AXDND1: variants seen among roughly 807,000 people sequenced by gnomAD.
AXDND1 encodes the protein axonemal dynein light chain domain-containing protein 1.
A neutral mutation model predicts 137.5 loss-of-function variants in AXDND1; 110 were observed. The ratio of observed to expected loss-of-function variants is 0.80; its 90% CI spans 0.69 to 0.94. The LOEUF (loss-of-function observed/expected upper bound fraction) is 0.94, where lower values mean the gene tolerates loss of function less well. Among genes scored for constraint, AXDND1 ranks in the 40% least tolerant of loss-of-function variants. AXDND1 has a pLI of 0.00. For missense variants in AXDND1, 1,191 were observed against 1,169.8 expected, an observed-to-expected ratio of 1.02 and a Z score of -0.26; for synonymous variants, 414 against 399.7, an observed-to-expected ratio of 1.04 and a Z score of -0.43.
chr1:179,515,398 G>C (rs896785556), intron 21 of AXDND1, among the ~76,000 whole-genome samples: 1 of 152,104 alleles, frequency 6.6e-6, no homozygotes, highest in Non-Finnish European at 1.5e-5. Context: ...TGAAGATAGG[G>C]CCCCAATCCC....
intron 4 of AXDND1, among the ~76,000 whole-genome samples, chr1:179,376,316 C>T (rs896393889): frequency 6.6e-6 from 1 of 152,174 alleles, no homozygotes; most frequent in Non-Finnish European, 1.5e-5. Flanking sequence ...TTTCTGCAGT[C>T]AGCCGTACAT....
In AXDND1 at chr1:179,388,392, T is replaced by C. The variant is rs530515052; in HGVS notation, c.863+3033T>C. ...CATGTCTGTACTGCATTCTGTCTTC[T>C]GTTTCTGGAGCTTTGATTAGATATA... is the stretch of plus-strand genomic sequence containing the variant. On this transcript the variant is annotated intron_variant, in intron 9 of 25. Coordinates refer to ENST00000367618, the MANE Select transcript of AXDND1 (RefSeq NM_144696.6). Among the ~76,000 whole-genome samples, 6 of 152,354 alleles carry C rather than the reference T, an allele frequency of 3.9e-5. No homozygotes were observed. The South Asian group carries it at 1.2e-3, about 32-fold the overall frequency.
chr1:179,380,167 T>G (rs1571556101), intron 6 of AXDND1, among the ~76,000 whole-genome samples: 1 of 151,638 alleles, frequency 6.6e-6, no homozygotes, highest in Non-Finnish European at 1.5e-5. Flanking sequence ...GAGAATGGCA[T>G]GAACCCAGGA....
chr1:179,443,748 G>T (rs1659323479), intron 15 of AXDND1, among the ~76,000 whole-genome samples: 1 of 152,004 alleles, frequency 6.6e-6, no homozygotes, highest in Non-Finnish European at 1.5e-5. Context: ...TCTTTTCAAG[G>T]TTCAATAATA....
At chr1:179,418,780 T>C (rs1370448814) in intron 12 of AXDND1, among the ~76,000 whole-genome samples, 3 of 144,648 alleles carry the variant, frequency 2.1e-5, no homozygotes, top group Non-Finnish European at 3.0e-5. Flanking sequence ...ACTTCCCAGA[T>C]GGGGTGGCTG....
chr1:179,491,526 A>AT lies in AXDND1; in HGVS notation c.2092-6dup. On this transcript the variant is annotated splice_polypyrimidine_tract_variant and intron_variant, in intron 18 of 25. Coordinates refer to ENST00000367618, the MANE Select transcript of AXDND1 (RefSeq NM_144696.6). ...AAAGTGGGTCATTTGTATTATACTC[A>AT]TTTTTTAACAGATGGATGAGTTACA... The AT allele has an allele frequency of 6.4e-7, 1 of 1,561,090 alleles. No individual in the cohort carries two copies. The highest frequency in any genetic ancestry group is 8.8e-7 in the Non-Finnish European group (1 of 1,139,428).
intron 15 of AXDND1, among the ~76,000 whole-genome samples, chr1:179,440,914 T>A (rs1166170535): frequency 6.6e-6 from 1 of 152,206 alleles, no homozygotes; most frequent in Non-Finnish European, 1.5e-5. Context: ...ATGACTGTAA[T>A]TAGCTCTGAG....
chr1:179,482,641 G>A (rs1276976599), intron 17 of AXDND1, among the ~76,000 whole-genome samples: 4 of 152,018 alleles, frequency 2.6e-5, no homozygotes, highest in South Asian at 2.1e-4. Context: ...AGATTTTCTC[G>A]AATAGATGTT....
intron 6 of AXDND1, among the ~76,000 whole-genome samples, chr1:179,382,093 T>G: frequency 1.3e-5 from 2 of 151,472 alleles, no homozygotes; most frequent in East Asian, 3.9e-4. Context: ...TTATTTTTTA[T>G]TTTTTTGAGA....
At chr1:179,532,902 A>G (rs201536817) in intron 23 of AXDND1, 1 of 28,588 alleles carries the variant, frequency 3.5e-5, no homozygotes, top group Admixed American at 3.9e-4. Context: ...GAAAAAGAAT[A>G]AATAAATAAA....
At chr1:179,450,868 G>A (rs1000952205) in intron 16 of AXDND1, 1 of 152,304 alleles carries the variant, frequency 6.6e-6, no homozygotes, top group African/African-American at 2.4e-5. Flanking sequence ...AGGCTGCAGT[G>A]AGGTATAGCC....
chr1:179,387,655 A>T (rs911036766), intron 9 of AXDND1, among the ~76,000 whole-genome samples: 2 of 152,206 alleles, frequency 1.3e-5, no homozygotes, highest in Admixed American at 6.5e-5. Context: ...TAAGTTATTT[A>T]AAAAAATTTG....
At chr1:179,467,034 A>G (rs1420625811) in intron 16 of AXDND1, among the ~76,000 whole-genome samples, 2 of 152,152 alleles carry the variant, frequency 1.3e-5, no homozygotes, top group African/African-American at 2.4e-5. Flanking sequence ...CAAATTCTGT[A>G]CTTCAATTTT....
chr1:179,540,047 A>G (rs1024961717), intron 25 of AXDND1, among the ~76,000 whole-genome samples: 1 of 151,872 alleles, frequency 6.6e-6, no homozygotes, highest in Non-Finnish European at 1.5e-5. Flanking sequence ...CCGTCAGGTC[A>G]TTTATGTTCT....
chr1:179,430,415 A>T (rs1486759880), intron 13 of AXDND1, 37 bp from the exon 14 acceptor site: 7 of 1,478,854 alleles, frequency 4.7e-6, no homozygotes, highest in Non-Finnish European at 6.5e-6. Context: ...TATATACATA[A>T]ATGAATATAT....
At chr1:179,409,829 G>T (rs6682080) in intron 11 of AXDND1, among the ~76,000 whole-genome samples, 16 of 152,042 alleles carry the variant, frequency 1.1e-4, no homozygotes, top group African/African-American at 3.9e-4. Context: ...AACAAAAAAC[G>T]AAACAAAACA....
At chr1:179,430,711 A>G in intron 14 of AXDND1, 105 bp downstream of exon 14, 1 of 1,299,120 alleles carries the variant, frequency 7.7e-7, no homozygotes, top group Middle Eastern at 2.5e-4. Context: ...TCACTCTAAC[A>G]TTGATTTTGG....
intron 2 of AXDND1, among the ~76,000 whole-genome samples, chr1:179,367,984 C>T (rs116776358): frequency 0.12 from 17,420 of 148,960 alleles, 1,653 homozygotes; most frequent in African/African-American, 0.26. Flanking sequence ...TTTTTTTTTT[C>T]TTCTGTTTCT....
intron 25 of AXDND1, among the ~76,000 whole-genome samples, chr1:179,550,305 A>G (rs1300342181): frequency 6.6e-6 from 1 of 152,154 alleles, no homozygotes; most frequent in Non-Finnish European, 1.5e-5. Flanking sequence ...AGAGAAATGT[A>G]TCTATATTAA....
Sources: gnomAD v4.1 joint callset for allele counts (sites outside exome capture counted in the v4.1 genomes callset) on GRCh38, gnomAD v4.1.1 for gene constraint, MANE v1.5 for transcripts, NCBI Gene and HGNC (gene_info 2026-07-23, HGNC 2026-07-21) for gene names.